Variants in NCKAP5 observed in about 807,000 individuals in gnomAD.
The protein encoded by NCKAP5 is nck-associated protein 5.
Under a neutral mutation model 167.0 loss-of-function variants are expected in NCKAP5, and 92 were observed. The ratio of observed to expected loss-of-function variants is 0.55; its 90% CI spans 0.47 to 0.66. The LOEUF (loss-of-function observed/expected upper bound fraction) is 0.66. Among genes scored for constraint, NCKAP5 ranks in the 30% least tolerant of loss-of-function variants. The pLI is 0.00. For synonymous variants in NCKAP5, 891 were observed against 877.4 expected (o/e 1.02, Z -0.27); for missense variants, 2,378 against 2,315.0 (o/e 1.03, Z -0.56).
chr2:133,304,009 T>C (rs111672500), intron 3 of NCKAP5, among the ~76,000 whole-genome samples: 2,153 of 152,286 alleles, frequency 0.014, 24 homozygotes, highest in Middle Eastern at 0.024. Context: ...TTCTACATTA[T>C]AGCAGCCGTC....
intron 5 of NCKAP5, among the ~76,000 whole-genome samples, chr2:133,161,059 A>C (rs955314403): frequency 2.6e-5 from 4 of 152,152 alleles, no homozygotes; most frequent in African/African-American, 9.7e-5. Flanking sequence ...CTGTCAGGTC[A>C]GCGGCCGCAT....
At chr2:133,290,298 A>C (rs1232320696) in intron 4 of NCKAP5, among the ~76,000 whole-genome samples, 4 of 152,202 alleles carry the variant, frequency 2.6e-5, no homozygotes, top group African/African-American at 7.2e-5. Flanking sequence ...ATGAATTTTT[A>C]AAAATCTAAA....
chr2:133,293,556 A>T (rs1206393728), intron 4 of NCKAP5, among the ~76,000 whole-genome samples: 4 of 152,210 alleles, frequency 2.6e-5, no homozygotes, highest in Admixed American at 6.5e-5. Flanking sequence ...ATGTTATTTC[A>T]TCAGGGGCTT....
At chr2:132,698,053 G>A (rs1193674368) in intron 19 of NCKAP5, among the ~76,000 whole-genome samples, 1 of 152,102 alleles carries the variant, frequency 6.6e-6, no homozygotes, top group African/African-American at 2.4e-5. Context: ...TTACTTCTGC[G>A]CTATTCACTG....
At chr2:133,569,352 C>A (rs1385734261), upstream of NCKAP5, among the ~76,000 whole-genome samples, 2 of 152,156 alleles carry the variant, frequency 1.3e-5, no homozygotes, top group East Asian at 3.9e-4. Flanking sequence ...CGCGAACACT[C>A]CAGCCCACTG....
At chr2:133,609,326 T>C in the NCKAP5 span, among the ~76,000 whole-genome samples, 9 of 152,240 alleles carry the variant, frequency 5.9e-5, no homozygotes, top group African/African-American at 2.2e-4. Flanking sequence ...TGGCAAATGT[T>C]TGTTGAATGA....
chr2:133,083,665 A>G (rs1369027897), intron 6 of NCKAP5, among the ~76,000 whole-genome samples: 1 of 152,180 alleles, frequency 6.6e-6, no homozygotes, highest in Non-Finnish European at 1.5e-5. Flanking sequence ...TGAATTCTGC[A>G]GGGAGTACAA....
chr2:132,976,824 C>G (rs568570547), intron 7 of NCKAP5, among the ~76,000 whole-genome samples: 5 of 151,958 alleles, frequency 3.3e-5, no homozygotes, highest in South Asian at 2.1e-4. Flanking sequence ...TATCTCTGTT[C>G]TCTAGATGAC....
intron 8 of NCKAP5, among the ~76,000 whole-genome samples, chr2:132,940,042 C>T (rs1370288374): frequency 6.6e-6 from 1 of 152,070 alleles, no homozygotes; most frequent in Non-Finnish European, 1.5e-5. Context: ...TCACCCGCAT[C>T]CCAACCTTAC....
rs184823440 is a variant in NCKAP5 at position 132,906,374 on chromosome 2, G to A, written c.580-27458C>T. 2.2e-4 allele frequency among the ~76,000 whole-genome samples: 33 copies of A among 152,210 alleles called. No homozygotes were observed. In the East Asian group the frequency reaches 6.4e-3, roughly 29 times the overall value. The stretch of plus-strand genomic sequence containing the variant: ...GCCAACAAAATTACAGAAGCAGATG[G>A]CTATTTTCTAGATGAGAGATTATAC... On this transcript the variant is annotated intron_variant, in intron 8 of 19. Coordinates refer to ENST00000409261, the MANE Select transcript of NCKAP5 (RefSeq NM_207363.3).
At chr2:132,889,339 C>A (rs541243599) in intron 8 of NCKAP5, among the ~76,000 whole-genome samples, 1 of 152,256 alleles carries the variant, frequency 6.6e-6, no homozygotes, top group Middle Eastern at 3.4e-3. Flanking sequence ...ATAAGTGGAA[C>A]AGTCATATTC....
At chr2:132,699,957 G>A (rs939559050) in intron 19 of NCKAP5, among the ~76,000 whole-genome samples, 4 of 152,200 alleles carry the variant, frequency 2.6e-5, no homozygotes, top group African/African-American at 9.7e-5. Flanking sequence ...CAATGTAAAA[G>A]TGTTCCTATT....
Position 133,346,457 on chromosome 2 carries a change from T to C in NCKAP5, c.70-43347A>G, listed in dbSNP as rs148045349. 5.9e-5 allele frequency among the ~76,000 whole-genome samples: 9 copies of C among 152,342 alleles called. No homozygotes were observed. The East Asian group carries it at 1.5e-3, about 26-fold the overall frequency. On this transcript the variant is annotated intron_variant, in intron 3 of 19. Coordinates refer to ENST00000409261, the MANE Select transcript of NCKAP5 (RefSeq NM_207363.3). ...GACGTGTGAGATTAAGAGATTTGGG[T>C]ACTAATGGATTTCCAGCGCTGCTTA...
intron 5 of NCKAP5, among the ~76,000 whole-genome samples, chr2:133,158,776 A>T (rs1033969579): frequency 6.6e-6 from 1 of 152,128 alleles, no homozygotes; most frequent in African/African-American, 2.4e-5. Flanking sequence ...CAATAACACA[A>T]TATCATGCCT....
At chr2:132,863,379 T>C (rs917401714) in intron 10 of NCKAP5, among the ~76,000 whole-genome samples, 2 of 149,042 alleles carry the variant, frequency 1.3e-5, no homozygotes, top group African/African-American at 5.0e-5. Flanking sequence ...AAAGGGGACC[T>C]GAAAGCAATA....
Position 132,912,389 on chromosome 2 carries a change from C to T in NCKAP5, c.580-33473G>A, listed in dbSNP as rs536691988. 2.0e-5 allele frequency among the ~76,000 whole-genome samples: 3 copies of T among 152,268 alleles called. No individual in the cohort carries two copies. In the South Asian group the frequency reaches 6.2e-4, roughly 32 times the overall value. ...CTTTGGACAGTCAATCAGGGTTTTT[C>T]AGAATATATAGATAGATTTCATCTG... On this transcript the variant is annotated intron_variant, in intron 8 of 19. Transcript: ENST00000409261.
chr2:132,699,452 T>C (rs1276920512), intron 19 of NCKAP5, among the ~76,000 whole-genome samples: 1 of 152,030 alleles, frequency 6.6e-6, no homozygotes, highest in Admixed American at 6.6e-5. Flanking sequence ...TTACATTAGG[T>C]ATATCTCCTA....
At chr2:133,607,210 C>T in the NCKAP5 span, among the ~76,000 whole-genome samples, 1 of 152,110 alleles carries the variant, frequency 6.6e-6, no homozygotes, top group Non-Finnish European at 1.5e-5. Context: ...GCCAAAGAGT[C>T]GTTTCCAGGT....
chr2:133,045,743 T>C (rs1468817373), intron 6 of NCKAP5, among the ~76,000 whole-genome samples: 1 of 152,188 alleles, frequency 6.6e-6, no homozygotes, highest in Non-Finnish European at 1.5e-5. Context: ...TAACATTCTG[T>C]AATAAAAGTT....
Sources: gnomAD v4.1 joint callset for allele counts (sites outside exome capture counted in the v4.1 genomes callset) on GRCh38, gnomAD v4.1.1 for gene constraint, MANE v1.5 for transcripts, NCBI Gene and HGNC (gene_info 2026-07-23, HGNC 2026-07-21) for gene names.